Variants in CAMK1D observed in about 807,000 individuals in gnomAD.
CAMK1D encodes calcium/calmodulin dependent protein kinase ID, also known as calcium/calmodulin-dependent protein kinase type 1D.
A neutral mutation model predicts 47.7 loss-of-function variants in CAMK1D; 9 were observed. The ratio of observed to expected loss-of-function variants is 0.19; its 90% confidence interval spans 0.11 to 0.33. The LOEUF is 0.33. Ranked by LOEUF, CAMK1D falls within the 10% of genes least tolerant of loss-of-function variation. The pLI, the probability that CAMK1D is intolerant of heterozygous loss-of-function variation, is 1.00. For missense variants in CAMK1D, 291 were observed against 488.7 expected (o/e 0.60, Z 3.81); for synonymous variants, 184 against 184.9 (o/e 0.99, Z 0.04).
intron 6 of CAMK1D, among the ~76,000 whole-genome samples, chr10:12,796,637 G>C (rs1197552060): frequency 1.3e-5 from 2 of 152,126 alleles, no homozygotes; most frequent in African/African-American, 4.8e-5. Context: ...CAAGCCCCGG[G>C]GGGTCGTGAT....
At chr10:12,437,178 G>A (rs539519783) in intron 1 of CAMK1D, among the ~76,000 whole-genome samples, 99 of 145,026 alleles carry the variant, frequency 6.8e-4, no homozygotes, top group Non-Finnish European at 1.2e-3. Flanking sequence ...CTGTCCATCT[G>A]TCTGTCTGTC....
chr10:12,666,525 G>A (rs1441072833), intron 2 of CAMK1D, among the ~76,000 whole-genome samples: 1 of 152,188 alleles, frequency 6.6e-6, no homozygotes, highest in African/African-American at 2.4e-5. Context: ...GTAGGGTATT[G>A]AGCCTTAGGA....
rs774874665 is a variant in CAMK1D, at chr10:12,769,725, G to T, written c.491G>T (p.Ser164Ile). Residue 164 changes from serine (S) to isoleucine (I), a missense_variant, in exon 5 of 11, where the codon AGT becomes ATT. Ser to Ile is a moderately radical substitution (Grantham distance 142). This residue lies in a region of CAMK1D where 219 missense variants were observed against 424.3 expected (regional missense o/e 0.52). Coordinates refer to ENST00000619168, the MANE Select transcript of CAMK1D (RefSeq NM_153498.4). ...GATGAGGAGTCCAAAATAATGATCA[G>T]TGACTTTGGATTGTCAAAAATGGAG... ...SQDEESKIMI[S>I]DFGLSKMEGK... 5 of 1,614,002 alleles carry T rather than the reference G, an allele frequency of 3.1e-6. No individual in the cohort carries two copies. The highest frequency in any genetic ancestry group is 4.2e-6 in the Non-Finnish European group (5 of 1,179,946).
intron 1 of CAMK1D, among the ~76,000 whole-genome samples, chr10:12,487,156 C>T (rs900393276): frequency 3.3e-5 from 5 of 152,156 alleles, no homozygotes; most frequent in Admixed American, 2.6e-4. Context: ...TTCTTCTGAT[C>T]CCCTTCCTCC....
chr10:12,719,109 A>G (rs1834269909), intron 3 of CAMK1D, among the ~76,000 whole-genome samples: 3 of 152,224 alleles, frequency 2.0e-5, no homozygotes, highest in South Asian at 2.1e-4. Flanking sequence ...GAAGTTCCCC[A>G]TTAAAATTGT....
At chr10:12,551,950 G>A (rs1036532506) in intron 1 of CAMK1D, among the ~76,000 whole-genome samples, 7 of 152,184 alleles carry the variant, frequency 4.6e-5, no homozygotes, top group East Asian at 1.9e-4. Context: ...ACACGGGAAC[G>A]TTGGTTTCTT....
At chr10:12,668,504 G>A (rs1437556217) in intron 3 of CAMK1D, among the ~76,000 whole-genome samples, 1 of 152,144 alleles carries the variant, frequency 6.6e-6, no homozygotes, top group Non-Finnish European at 1.5e-5. Flanking sequence ...AAATAACTGG[G>A]CTCTGAGTAT....
chr10:12,666,715 T>C, intron 2 of CAMK1D, 21 bp from the exon 3 acceptor site: 1 of 1,591,006 alleles, frequency 6.3e-7, no homozygotes, highest in Non-Finnish European at 8.6e-7. Context: ...CACTATTTTG[T>C]GCGTCTATTT....
At chr10:12,407,862 C>CTT (rs35451883) in intron 1 of CAMK1D, among the ~76,000 whole-genome samples, 1 of 69,698 alleles carries the variant, frequency 1.4e-5, no homozygotes, top group African/African-American at 5.1e-5. Flanking sequence ...TTTTTTTTTT[C>CTT]TTTTTTTTTT....
rs567785849 is a variant in CAMK1D, at chr10:12,487,047, A to G, written c.93-66178A>G. Among the ~76,000 whole-genome samples, 3 of 152,352 alleles carry G rather than the reference A, an allele frequency of 2.0e-5. No homozygotes were observed. The South Asian group carries it at 6.2e-4, about 32-fold the overall frequency. On this transcript the variant is annotated intron_variant, in intron 1 of 10. Transcript: ENST00000619168. ...CACCTTTTATTTTAGGTTCAGGGGT[A>G]CATGTGTAAGTTTGTGATATAGGTA...
At chr10:12,398,209 T>G (rs2131906396) in intron 1 of CAMK1D, among the ~76,000 whole-genome samples, 1 of 152,356 alleles carries the variant, frequency 6.6e-6, no homozygotes, top group Admixed American at 6.5e-5. Context: ...CTCATTCTTT[T>G]TTTTTCTTTA....
At chr10:12,664,152 T>C (rs1371514025) in intron 2 of CAMK1D, among the ~76,000 whole-genome samples, 1 of 152,194 alleles carries the variant, frequency 6.6e-6, no homozygotes, top group African/African-American at 2.4e-5. Flanking sequence ...AATTTAGCAT[T>C]TGATTCTTTT....
intron 3 of CAMK1D, among the ~76,000 whole-genome samples, chr10:12,693,677 G>A (rs563108041): frequency 3.8e-4 from 57 of 151,064 alleles, no homozygotes; most frequent in African/African-American, 1.2e-3. Context: ...TACCTGGCCC[G>A]CTCTGTTGAT....
chr10:12,595,485 C>T (rs1838121624), intron 2 of CAMK1D, among the ~76,000 whole-genome samples: 1 of 152,028 alleles, frequency 6.6e-6, no homozygotes, highest in Non-Finnish European at 1.5e-5. Flanking sequence ...ATTCTAGGCT[C>T]ATGAACTTGG....
chr10:12,495,309 T>A (rs1342738206), intron 1 of CAMK1D, among the ~76,000 whole-genome samples: 1 of 152,220 alleles, frequency 6.6e-6, no homozygotes, highest in Non-Finnish European at 1.5e-5. Context: ...TTTCTTCTAA[T>A]GAGTGTGTGT....
At chr10:12,675,825 G>C (rs764455615) in intron 3 of CAMK1D, among the ~76,000 whole-genome samples, 1 of 152,086 alleles carries the variant, frequency 6.6e-6, no homozygotes, top group Non-Finnish European at 1.5e-5. Context: ...CCTTTCTTTC[G>C]TTCAGCTGCA....
At chr10:12,824,367 C>A in intron 8 of CAMK1D, 98 bp from the exon 9 acceptor site, 1 of 1,043,332 alleles carries the variant, frequency 9.6e-7, no homozygotes, top group Non-Finnish European at 1.5e-6. Context: ...ACGACTGAGC[C>A]TCGGCTCTCC....
At chr10:12,786,011 G>C (rs911997684) in intron 5 of CAMK1D, among the ~76,000 whole-genome samples, 1 of 152,152 alleles carries the variant, frequency 6.6e-6, no homozygotes, top group African/African-American at 2.4e-5. Flanking sequence ...AAAATTGCCT[G>C]AGAATGTTAT....
rs188160010 is a variant in CAMK1D, at chr10:12,508,430, C to A, written c.93-44795C>A. On this transcript the variant is annotated intron_variant, in intron 1 of 10. Coordinates refer to ENST00000619168, the MANE Select transcript of CAMK1D (RefSeq NM_153498.4). Reference sequence around the variant, plus strand: ...GACAAATGTCCTATGATTCCACTTACTCAGGTACCCAGAATAGACAACTTC... The same window carrying A: ...GACAAATGTCCTATGATTCCACTTAATCAGGTACCCAGAATAGACAACTTC... Among the ~76,000 whole-genome samples the A allele has an allele frequency of 5.9e-5, 9 of 152,350 alleles. No homozygotes were observed. The Middle Eastern group carries it at 0.01, about 173-fold the overall frequency.
Sources: allele counts gnomAD v4.1 joint callset (sites outside exome capture counted in the v4.1 genomes callset), GRCh38; gene constraint gnomAD v4.1.1; regional missense constraint gnomAD v4.1.1; transcripts MANE v1.5; gene names NCBI Gene and HGNC (gene_info 2026-07-23, HGNC 2026-07-21).